The following KIAA1549L variants were observed in gnomAD, a reference collection of about 807,000 sequenced individuals.
The protein encoded by KIAA1549L is KIAA1549 like.
KIAA1549L carries 88 observed loss-of-function variants against 160.7 expected under a neutral mutation model. The observed-to-expected ratio is 0.55, with a 90% CI of 0.46 to 0.65. KIAA1549L has a LOEUF of 0.65. Among genes scored for constraint, KIAA1549L ranks in the 30% least tolerant of loss-of-function variants. The pLI is 0.00. For missense variants in KIAA1549L, 2,258 were observed against 2,437.5 expected (o/e 0.93, Z 1.55); for synonymous variants, 950 against 976.7 (o/e 0.97, Z 0.51).
chr11:33,556,264 C>G lies in KIAA1549L; in HGVS notation c.3856-3485C>G, dbSNP rs796937430. Among the ~76,000 whole-genome samples the G allele has an allele frequency of 4.6e-5, 7 of 152,140 alleles. No individual in the cohort carries two copies. In the South Asian group the frequency reaches 1.5e-3, roughly 32 times the overall value. ...GGCAGCATGGTGGTTTCTTAAATAA[C>G]TAAACATAGAATTACCATATGGTTC... On this transcript the variant is annotated intron_variant, in intron 6 of 20. Coordinates refer to ENST00000658780, the MANE Select transcript of KIAA1549L (RefSeq NM_012194.3).
At chr11:33,521,240 A>G (rs1248765085) in intron 1 of KIAA1549L, among the ~76,000 whole-genome samples, 1 of 152,220 alleles carries the variant, frequency 6.6e-6, no homozygotes, top group African/African-American at 2.4e-5. Context: ...ACCTTGGGGT[A>G]GGGACCTCAT....
intron 13 of KIAA1549L, among the ~76,000 whole-genome samples, chr11:33,603,675 C>T (rs377510139): frequency 3.3e-4 from 50 of 151,900 alleles, no homozygotes; most frequent in Admixed American, 1.3e-3. Context: ...GGCGTGGTGG[C>T]GGGGCCTGTA....
At chr11:33,577,969 A>G (rs957860607) in intron 10 of KIAA1549L, among the ~76,000 whole-genome samples, 4 of 152,076 alleles carry the variant, frequency 2.6e-5, no homozygotes, top group South Asian at 4.2e-4. Flanking sequence ...TGACAGTTCT[A>G]TGATGGTCAC....
chr11:33,461,669 C>G (rs1440166879), intron 1 of KIAA1549L, among the ~76,000 whole-genome samples: 1 of 152,176 alleles, frequency 6.6e-6, no homozygotes, highest in Non-Finnish European at 1.5e-5. Context: ...AAAAAATCTA[C>G]CTAAATAATA....
At chr11:33,549,058 C>A (rs556330430) in intron 4 of KIAA1549L, among the ~76,000 whole-genome samples, 2 of 152,178 alleles carry the variant, frequency 1.3e-5, no homozygotes, top group Admixed American at 6.5e-5. Context: ...TTGCCTGATA[C>A]AATTTTCACT....
intron 16 of KIAA1549L, among the ~76,000 whole-genome samples, chr11:33,632,314 CTT>C (rs1444690616): frequency 6.6e-6 from 1 of 152,226 alleles, no homozygotes; most frequent in Non-Finnish European, 1.5e-5. Context: ...AGGGAATTCT[CTT>C]TTCCCAACCT....
intron 1 of KIAA1549L, among the ~76,000 whole-genome samples, chr11:33,423,594 C>G (rs1367903137): frequency 6.6e-6 from 1 of 152,190 alleles, no homozygotes; most frequent in Non-Finnish European, 1.5e-5. Flanking sequence ...ACAAATCTGA[C>G]TGAAAAATTA....
chr11:33,658,256 G>C (rs942727034), intron 18 of KIAA1549L, among the ~76,000 whole-genome samples: 3 of 152,068 alleles, frequency 2.0e-5, no homozygotes, highest in African/African-American at 7.2e-5. Context: ...TCTTGGGCTT[G>C]GTGCTTCCTG....
chr11:33,473,590 T>G (rs889434976), intron 1 of KIAA1549L, among the ~76,000 whole-genome samples: 2 of 152,230 alleles, frequency 1.3e-5, no homozygotes, highest in Non-Finnish European at 2.9e-5. Context: ...CAGCCTACTA[T>G]AGTGTCCTTT....
At chr11:33,454,067 C>T (rs17252503) in intron 1 of KIAA1549L, among the ~76,000 whole-genome samples, 29,540 of 152,120 alleles carry the variant, frequency 0.19, 3,335 homozygotes, top group South Asian at 0.3. Flanking sequence ...GGCAAGCATG[C>T]GATCCCTTTC....
intron 1 of KIAA1549L, among the ~76,000 whole-genome samples, chr11:33,433,318 A>T (rs1278825690): frequency 6.6e-6 from 1 of 152,262 alleles, no homozygotes. Flanking sequence ...GAAGACATTT[A>T]CATGGCCAAC....
chr11:33,482,870 T>C (rs1192327992), intron 1 of KIAA1549L, among the ~76,000 whole-genome samples: 1 of 152,132 alleles, frequency 6.6e-6, no homozygotes, highest in Admixed American at 6.5e-5. Flanking sequence ...CACCTGTTGC[T>C]ATACATTATA....
At chr11:33,432,166 C>A (rs1308591434) in intron 1 of KIAA1549L, among the ~76,000 whole-genome samples, 3 of 152,232 alleles carry the variant, frequency 2.0e-5, no homozygotes, top group African/African-American at 7.2e-5. Context: ...GGGCTCTGGC[C>A]TTGGCCAGCC....
At chr11:33,618,701 T>C in intron 16 of KIAA1549L, 39 bp downstream of exon 16, 1 of 1,511,328 alleles carries the variant, frequency 6.6e-7, no homozygotes, top group Non-Finnish European at 8.9e-7. Context: ...AAGCTTTCCT[T>C]TCCCCTGAAG....
At chr11:33,534,995 A>T (rs1255290163) in intron 1 of KIAA1549L, among the ~76,000 whole-genome samples, 1 of 152,194 alleles carries the variant, frequency 6.6e-6, no homozygotes, top group East Asian at 1.9e-4. Context: ...CCATGAGTTG[A>T]GAGGCTGGAC....
intron 1 of KIAA1549L, among the ~76,000 whole-genome samples, chr11:33,406,902 T>C (rs1310152400): frequency 2.0e-5 from 3 of 152,192 alleles, no homozygotes; most frequent in East Asian, 3.9e-4. Flanking sequence ...CCAGCCCTCC[T>C]GTTGCCTGCT....
chr11:33,572,015 A>G (rs1855274986), intron 9 of KIAA1549L, among the ~76,000 whole-genome samples: 1 of 151,758 alleles, frequency 6.6e-6, no homozygotes, highest in Non-Finnish European at 1.5e-5. Flanking sequence ...TAATATCTAT[A>G]TAGTCCCAAC....
intron 1 of KIAA1549L, among the ~76,000 whole-genome samples, chr11:33,517,038 G>T (rs568244411): frequency 1.2e-4 from 18 of 152,324 alleles, no homozygotes; most frequent in Middle Eastern, 3.4e-3. Context: ...TTTTACAAAT[G>T]ACACAGCTTT....
intron 1 of KIAA1549L, among the ~76,000 whole-genome samples, chr11:33,440,116 G>GTT (rs1851465259): frequency 2.5e-5 from 2 of 80,716 alleles, no homozygotes; most frequent in African/African-American, 4.4e-5. Context: ...CACCTATTTT[G>GTT]TTTCTTTTTT....
Sources: gnomAD v4.1 joint callset for allele counts (sites outside exome capture counted in the v4.1 genomes callset) on GRCh38, gnomAD v4.1.1 for gene constraint, MANE v1.5 for transcripts, NCBI Gene and HGNC (gene_info 2026-07-23, HGNC 2026-07-21) for gene names.